Variants in MAP4 observed in about 807,000 individuals in gnomAD.
The protein encoded by MAP4 is microtubule-associated protein 4.
MAP4 carries 76 observed loss-of-function variants against 170.2 expected under a neutral mutation model. The observed-to-expected ratio is 0.45, with a 90% CI of 0.37 to 0.54. The LOEUF (loss-of-function observed/expected upper bound fraction) is 0.54, where lower values mean the gene tolerates loss of function less well. Among genes scored for constraint, MAP4 ranks in the 20% least tolerant of loss-of-function variants. The probability of loss-of-function intolerance (pLI) is 0.00; values close to 1 mark genes in which losing one functional copy is unlikely to be tolerated. For synonymous variants in MAP4, 909 were observed against 994.5 expected (o/e 0.91, Z 1.62); for missense variants, 2,506 against 2,748.0 (o/e 0.91, Z 1.97).
At chr3:47,988,871 G>A (rs980459929) in intron 2 of MAP4, among the ~76,000 whole-genome samples, 5 of 151,998 alleles carry the variant, frequency 3.3e-5, no homozygotes, top group Admixed American at 3.3e-4. Flanking sequence ...TGAATGCAGT[G>A]GCACGATCTT....
At chr3:47,939,833 G>T (rs1468223399) in intron 3 of MAP4, among the ~76,000 whole-genome samples, 1 of 150,840 alleles carries the variant, frequency 6.6e-6, no homozygotes, top group African/African-American at 2.4e-5. Context: ...TGTTGTTGTT[G>T]TTTTTTTCAT....
At chr3:48,074,075 T>C (rs952491771) in intron 1 of MAP4, among the ~76,000 whole-genome samples, 4 of 152,006 alleles carry the variant, frequency 2.6e-5, no homozygotes, top group African/African-American at 9.7e-5. Context: ...CCATCAATGA[T>C]AGACTGGACT....
At chr3:47,857,370 G>T in intron 18 of MAP4, 61 bp downstream of exon 18, 1 of 1,409,588 alleles carries the variant, frequency 7.1e-7, no homozygotes, top group Non-Finnish European at 1.0e-6. Context: ...TGGCTGCCCA[G>T]CTGACCCATG....
chr3:47,980,337 G>GCTT (rs2100084762), intron 2 of MAP4, among the ~76,000 whole-genome samples: 1 of 152,144 alleles, frequency 6.6e-6, no homozygotes, highest in Non-Finnish European at 1.5e-5. Context: ...GCCTAGCTCT[G>GCTT]CAGTCACCTT....
Position 47,912,396 on chromosome 3 carries a change from A to T in MAP4, c.2025T>A (p.Pro675=). ...TGCAAACTTGTTTGGCTTGTGTGGG[A>T]GGGGTACCGCAATACATGAAGTTGG... ...TSANFMYCGT[P]PTQAKQVCRP... Residue 675 remains proline, a synonymous_variant, in exon 9 of 21, where the codon CCT becomes CCA. Coordinates refer to ENST00000683076, the MANE Select transcript of MAP4 (RefSeq NM_001385682.1). 1.3e-6 allele frequency: 2 copies of T among 1,513,504 alleles called. No homozygotes were observed. The highest frequency in any genetic ancestry group is 1.8e-6 in the Non-Finnish European group (2 of 1,132,536). The allele number at this position is 1,513,504 out of a possible 1,614,324, so 93.8% of individuals were successfully genotyped here. A position where few individuals can be genotyped will look rare whatever the true frequency, so the allele number is the denominator to read the frequency against.
chr3:47,852,895 C>A lies in MAP4; in HGVS notation c.*39G>T. The A allele has an allele frequency of 6.2e-7, 1 of 1,601,796 alleles. No individual in the cohort carries two copies. The highest frequency in any genetic ancestry group is 1.7e-5 in the Admixed American group (1 of 57,824). The stretch of plus-strand genomic sequence containing the variant: ...GACAATGTCGGCCCCGTGGTCGGTG[C>A]GGGCCCTGGCATTTGCCCGGAACGT... On this transcript the variant is annotated 3_prime_UTR_variant, in exon 21 of 21. Transcript: ENST00000683076.
chr3:48,052,511 C>T (rs1288131139), intron 1 of MAP4, among the ~76,000 whole-genome samples: 2 of 152,174 alleles, frequency 1.3e-5, no homozygotes, highest in Non-Finnish European at 2.9e-5. Context: ...TGTGAGCCAC[C>T]GCGTCCTGCC....
chr3:47,889,960 G>C (rs932057589), intron 10 of MAP4, among the ~76,000 whole-genome samples: 1 of 149,506 alleles, frequency 6.7e-6, no homozygotes, highest in African/African-American at 2.5e-5. Flanking sequence ...CAAAACATCT[G>C]TATGTCTTCT....
chr3:48,015,744 A>G (rs1313446233), intron 1 of MAP4, among the ~76,000 whole-genome samples: 1 of 152,194 alleles, frequency 6.6e-6, no homozygotes, highest in East Asian at 1.9e-4. Flanking sequence ...AAGCAAAATG[A>G]TATTTTACTT....
At chr3:48,080,854 C>G (rs2100146273) in intron 1 of MAP4, among the ~76,000 whole-genome samples, 1 of 151,716 alleles carries the variant, frequency 6.6e-6, no homozygotes, top group Non-Finnish European at 1.5e-5. Context: ...GCCGGGCGCC[C>G]TGGCTCACGC....
intron 1 of MAP4, among the ~76,000 whole-genome samples, chr3:48,045,229 G>T (rs564480608): frequency 7.2e-6 from 1 of 138,306 alleles, no homozygotes; most frequent in South Asian, 2.3e-4. Context: ...CTGTGTTCCA[G>T]CCTGGGTGAC....
At chr3:47,904,379 G>C (rs957817584) in intron 9 of MAP4, among the ~76,000 whole-genome samples, 2 of 151,858 alleles carry the variant, frequency 1.3e-5, no homozygotes, top group African/African-American at 4.8e-5. Context: ...GCAGTGGTGC[G>C]ATCTTGGCTC....
In MAP4 at chr3:47,987,342, C is replaced by T. The variant is rs1168413521; in HGVS notation, c.224-9409G>A. On this transcript the variant is annotated intron_variant, in intron 2 of 20. Coordinates refer to ENST00000683076, the MANE Select transcript of MAP4 (RefSeq NM_001385682.1). ...AGCTTAATTATGATCTTACAAGTAC[C>T]ACAGAGGAAAGAGGAAAGTTCAGGG... is the stretch of plus-strand genomic sequence containing the variant. 11 of 1,430,616 alleles carry T rather than the reference C, an allele frequency of 7.7e-6. No homozygotes were observed. In the African/African-American group the frequency reaches 1.6e-4, roughly 20 times the overall value. The allele number at this position is 1,430,616 out of a possible 1,614,324, so 88.6% of individuals were successfully genotyped here.
At chr3:48,020,117 C>T (rs1423012840), upstream of MAP4, among the ~76,000 whole-genome samples, 7 of 152,086 alleles carry the variant, frequency 4.6e-5, no homozygotes. Flanking sequence ...AACTCCTGAC[C>T]TCAAGTGATT....
rs1452342008 is a variant in MAP4, at chr3:47,977,786, T to TA, written c.292+78_292+79insT. The TA allele has an allele frequency of 1.4e-5, 13 of 934,246 alleles. No homozygotes were observed. In the Admixed American group the frequency reaches 2.4e-4, roughly 17 times the overall value. 57.9% of individuals were successfully genotyped at this position (934,246 alleles called of 1,614,324 possible). On this transcript the variant is annotated intron_variant, in intron 3 of 20. Transcript: ENST00000683076. ...ATAATTCATATGCTTCCATTAATAATGCTCTTCAAAGGAGATTATCAAGGT... is the reference window on the plus strand; with the variant it reads ...ATAATTCATATGCTTCCATTAATAATAGCTCTTCAAAGGAGATTATCAAGGT...
intron 11 of MAP4, among the ~76,000 whole-genome samples, chr3:47,876,186 T>C (rs1446091594): frequency 6.7e-6 from 1 of 149,742 alleles, no homozygotes; most frequent in Non-Finnish European, 1.5e-5. Flanking sequence ...CAGGCTGGAG[T>C]GCAGTGGCGA....
At chr3:47,897,300 T>A (rs753581822) in intron 10 of MAP4, among the ~76,000 whole-genome samples, 25 of 152,038 alleles carry the variant, frequency 1.6e-4, no homozygotes, top group Non-Finnish European at 3.4e-4. Flanking sequence ...CTAATTTTTG[T>A]ATTTTTAGTA....
chr3:48,058,212 AT>A (rs2100133284), intron 1 of MAP4, among the ~76,000 whole-genome samples: 1 of 152,232 alleles, frequency 6.6e-6, no homozygotes, highest in Non-Finnish European at 1.5e-5. Context: ...AAAGAGAAAA[AT>A]GACTCAGTCC....
At chr3:48,008,215 G>C (rs563240616) in intron 1 of MAP4, among the ~76,000 whole-genome samples, 1 of 152,282 alleles carries the variant, frequency 6.6e-6, no homozygotes, top group East Asian at 1.9e-4. Context: ...AATGCCCATG[G>C]CCTCCACTCC....
Sources: gnomAD v4.1 joint callset for allele counts (sites outside exome capture counted in the v4.1 genomes callset) on GRCh38, gnomAD v4.1.1 for gene constraint, MANE v1.5 for transcripts, NCBI Gene and HGNC (gene_info 2026-07-23, HGNC 2026-07-21) for gene names.